The following GNPTAB variants were observed in gnomAD, a reference collection of about 807,000 sequenced individuals.
GNPTAB encodes the protein N-acetylglucosamine-1-phosphate transferase subunits alpha and beta.
In GNPTAB, 92 loss-of-function variants were observed where a neutral mutation model predicts 136.6. The ratio of observed to expected loss-of-function variants is 0.67; its 90% CI spans 0.57 to 0.80. The LOEUF is 0.80. Ranked by LOEUF, GNPTAB falls within the 30% of genes least tolerant of loss-of-function variation. GNPTAB has a pLI of 0.00. For synonymous variants in GNPTAB, 512 were observed against 535.1 expected (o/e 0.96, Z 0.60); for missense variants, 1,343 against 1,501.8 (o/e 0.89, Z 1.75).
At chr12:101,792,661 A>G (rs1236316711) in intron 2 of GNPTAB, among the ~76,000 whole-genome samples, 1 of 152,112 alleles carries the variant, frequency 6.6e-6, no homozygotes, top group Non-Finnish European at 1.5e-5. Context: ...ACCTCTCACA[A>G]AGAGAATCTA....
intron 1 of GNPTAB, among the ~76,000 whole-genome samples, chr12:101,812,525 G>A (rs1870291521): frequency 6.6e-6 from 1 of 152,148 alleles, no homozygotes; most frequent in Non-Finnish European, 1.5e-5. Flanking sequence ...GGAAGCTGAG[G>A]TGGGAGGACT....
chr12:101,775,565 A>G (rs1158418671), intron 7 of GNPTAB, among the ~76,000 whole-genome samples: 1 of 151,794 alleles, frequency 6.6e-6, no homozygotes, highest in East Asian at 1.9e-4. Context: ...TCATTTCACC[A>G]TGTTGGCCAG....
chr12:101,801,439 C>T lies in GNPTAB; in HGVS notation c.118-4677G>A, dbSNP rs553663101. ...CCTGTAGTCTCAGCTACCTGGGAGG[C>T]TGAAGCGGCAGAATCGCTTGAGCCT... On this transcript the variant is annotated intron_variant, in intron 1 of 20. Coordinates refer to ENST00000299314, the MANE Select transcript of GNPTAB (RefSeq NM_024312.5). 1.0e-3 allele frequency among the ~76,000 whole-genome samples: 142 copies of T among 142,510 alleles called. 1 individual carries two copies. The highest frequency in any genetic ancestry group is 1.3e-3 in the Admixed American group (18 of 13,334). The allele number at this position is 142,510 out of a possible 152,430, so 93.5% of individuals were successfully genotyped here.
chr12:101,794,291 T>C (rs1869156959), intron 2 of GNPTAB, among the ~76,000 whole-genome samples: 1 of 152,234 alleles, frequency 6.6e-6, no homozygotes, highest in South Asian at 2.1e-4. Context: ...GTGAATAGTT[T>C]ATATATTCAC....
In GNPTAB at chr12:101,765,105, A is replaced by G; in HGVS notation, c.1812T>C (p.Ser604=). The change falls in exon 13 of 21, where the codon AGT becomes AGC. Residue 604 remains serine, a synonymous_variant. Coordinates refer to ENST00000299314, the MANE Select transcript of GNPTAB (RefSeq NM_024312.5). ...AATGTATTGTGGTGGCATTCATTCC[A>G]CTGTGCATTATGAGGTGGATGGTTT... ...KWKTIHLIMH[S]GMNATTIHFN... 4 of 1,614,128 alleles carry G rather than the reference A, an allele frequency of 2.5e-6. No homozygotes were observed. Among genetic ancestry groups the G allele is most frequent in the Non-Finnish European group, 3.4e-6 (4 of 1,180,008 alleles).
At chr12:101,787,220 T>C (rs893994344) in intron 4 of GNPTAB, among the ~76,000 whole-genome samples, 1 of 152,204 alleles carries the variant, frequency 6.6e-6, no homozygotes, top group South Asian at 2.1e-4. Context: ...TCATGAAATA[T>C]TGACAATAGT....
intron 7 of GNPTAB, among the ~76,000 whole-genome samples, chr12:101,772,576 G>A (rs1490844495): frequency 6.6e-6 from 1 of 152,158 alleles, no homozygotes; most frequent in Non-Finnish European, 1.5e-5. Context: ...CTTTTACTTA[G>A]TGAGTGCCTG....
At chr12:101,792,100 G>A (rs890485049) in intron 2 of GNPTAB, among the ~76,000 whole-genome samples, 4 of 151,930 alleles carry the variant, frequency 2.6e-5, no homozygotes, top group Non-Finnish European at 5.9e-5. Flanking sequence ...GAGGCGGGGC[G>A]GTCAGTTTTA....
At chr12:101,779,811 CTCG>C (rs1189962857) in intron 7 of GNPTAB, 1 of 326,762 alleles carries the variant, frequency 3.1e-6, no homozygotes, top group Admixed American at 4.4e-5. Flanking sequence ...ATTGTAGGAG[CTCG>C]TCTACGGCCA....
At chr12:101,817,838 T>C (rs974220384) in intron 1 of GNPTAB, among the ~76,000 whole-genome samples, 3 of 152,162 alleles carry the variant, frequency 2.0e-5, no homozygotes, top group Non-Finnish European at 4.4e-5. Flanking sequence ...TGAAGCATTA[T>C]ACTTGATGTG....
chr12:101,786,311 T>C, intron 4 of GNPTAB, 94 bp from the exon 5 acceptor site: 1 of 935,600 alleles, frequency 1.1e-6, no homozygotes, highest in Non-Finnish European at 1.7e-6. Flanking sequence ...CAGATTTTTT[T>C]ATAGCCCATA....
intron 2 of GNPTAB, among the ~76,000 whole-genome samples, chr12:101,791,674 A>G (rs1281804457): frequency 6.6e-6 from 1 of 152,220 alleles, no homozygotes; most frequent in African/African-American, 2.4e-5. Flanking sequence ...GCCAAGGACC[A>G]AAGCATACCC....
At chr12:101,799,604 G>GA (rs1168492710) in intron 1 of GNPTAB, among the ~76,000 whole-genome samples, 1 of 152,124 alleles carries the variant, frequency 6.6e-6, no homozygotes, top group African/African-American at 2.4e-5. Flanking sequence ...AGGCTTGATG[G>GA]AAAAAAATTA....
chr12:101,745,889 G>A lies in GNPTAB; in HGVS notation c.*1275C>T, dbSNP rs544767836. On this transcript the variant is annotated 3_prime_UTR_variant, in exon 21 of 21. Coordinates refer to ENST00000299314, the MANE Select transcript of GNPTAB (RefSeq NM_024312.5). Reference sequence around the variant, plus strand: ...GTCTCTACTAAAAATACAAAAATTAGCAGGGTGTGGTGGCATGCACCTGTA... The same window carrying A: ...GTCTCTACTAAAAATACAAAAATTAACAGGGTGTGGTGGCATGCACCTGTA... 6.6e-6 allele frequency: 1 copy of A among 152,390 alleles called. No individual in the cohort carries two copies. The highest frequency in any genetic ancestry group is 2.1e-4 in the South Asian group (1 of 4,830). The allele number at this position is 152,390 out of a possible 1,614,324, so 9.4% of individuals were successfully genotyped here.
intron 15 of GNPTAB, 135 bp downstream of exon 15, chr12:101,760,992 G>A: frequency 1.4e-6 from 1 of 695,730 alleles, no homozygotes; most frequent in South Asian, 1.5e-5. Context: ...TGTTGCCCAG[G>A]TTGGTCTCGA....
In GNPTAB at chr12:101,780,201, T is replaced by C. The variant is rs769387052; in HGVS notation, c.722A>G (p.Asn241Ser). 1.2e-6 allele frequency: 2 copies of C among 1,613,830 alleles called. No homozygotes were observed. Among genetic ancestry groups the C allele is most frequent in the South Asian group, 2.2e-5 (2 of 91,078 alleles). The stretch of plus-strand genomic sequence containing the variant: ...TTCTGGCAATTTTGTTTTTAGTTGA[T>C]TTGTTTCCTTGAATGTTGGTGGAAA... ...SGFPPTFKETNQLKTKLPENL... is the reference protein window; with the variant it reads ...SGFPPTFKETSQLKTKLPENL... Residue 241 changes from asparagine to serine, a missense_variant, in exon 7 of 21, where the codon AAT becomes AGT. Coordinates refer to ENST00000299314, the MANE Select transcript of GNPTAB (RefSeq NM_024312.5).
At chr12:101,824,432 A>ATATATATATATATTT (rs1188582277) in intron 1 of GNPTAB, among the ~76,000 whole-genome samples, 1 of 50,862 alleles carries the variant, frequency 2.0e-5, no homozygotes, top group Admixed American at 2.3e-4. Context: ...ATATATATAT[A>ATATATATATATATTT]TTTTCTTTTT....
chr12:101,785,739 C>A, intron 5 of GNPTAB: 2 of 401,628 alleles, frequency 5.0e-6, no homozygotes, highest in South Asian at 3.0e-5. Context: ...TAGAATAATT[C>A]AGAGCCAAGA....
rs1214100527 is a variant in GNPTAB at position 101,770,399 on chromosome 12, C to A, written c.1113+7G>T. The A allele has an allele frequency of 1.9e-6, 3 of 1,600,502 alleles. No individual in the cohort carries two copies. Among genetic ancestry groups the A allele is most frequent in the Non-Finnish European group, 1.7e-6 (2 of 1,167,702 alleles). ...CACAGTCTTGTAATTTTTAGAAAGT[C>A]CTGTACCTGGTGTGTTACTATTGTC... On this transcript the variant is annotated splice_region_variant and intron_variant, in intron 9 of 20. Coordinates refer to ENST00000299314, the MANE Select transcript of GNPTAB (RefSeq NM_024312.5).
Sources: allele counts gnomAD v4.1 joint callset (sites outside exome capture counted in the v4.1 genomes callset), GRCh38; gene constraint gnomAD v4.1.1; transcripts MANE v1.5; gene names NCBI Gene and HGNC (gene_info 2026-07-23, HGNC 2026-07-21).